The following ST14 variants were observed in gnomAD, a reference collection of about 807,000 sequenced individuals.
The protein encoded by ST14 is ST14 transmembrane serine protease matriptase.
ST14 carries 40 observed loss-of-function variants against 96.5 expected under a neutral mutation model. The ratio of observed to expected loss-of-function variants is 0.41; its 90% CI spans 0.32 to 0.54. ST14 has a LOEUF of 0.54. Among genes scored for constraint, ST14 ranks in the 20% least tolerant of loss-of-function variants. ST14 has a pLI of 0.17. For synonymous variants in ST14, 506 were observed against 492.1 expected, an observed-to-expected ratio of 1.03 and a Z score of -0.37; for missense variants, 1,066 against 1,188.9, an observed-to-expected ratio of 0.90 and a Z score of 1.52.
intron 16 of ST14, among the ~76,000 whole-genome samples, chr11:130,203,861 C>T (rs1953458609): frequency 6.6e-6 from 1 of 152,170 alleles, no homozygotes; most frequent in South Asian, 2.1e-4. Flanking sequence ...ACCATGTTAG[C>T]CAGGCTGGTC....
Position 130,197,871 on chromosome 11 carries a change from G to A in ST14, c.1385G>A (p.Gly462Glu), listed in dbSNP as rs753425257. 1.9e-6 allele frequency: 3 copies of A among 1,592,474 alleles called. No individual in the cohort carries two copies. In the South Asian group the frequency reaches 3.4e-5, roughly 18 times the overall value. ...CCGGGGCAGTTCACGTGCCGCACGG[G>A]GCGGTGTATCCGGAAGGAGCTGCGC... Reference protein sequence around the residue: ...PCPGQFTCRTGRCIRKELRCD... With the variant: ...PCPGQFTCRTERCIRKELRCD... The change falls in exon 12 of 19, where the codon GGG (glycine) becomes GAG (glutamate). Residue 462 changes from glycine (G) to glutamate (E), a missense_variant. By Grantham distance (98) the Gly-to-Glu change is moderately conservative. Transcript: ENST00000278742.
intron 16 of ST14, among the ~76,000 whole-genome samples, chr11:130,202,151 A>C (rs1327239906): frequency 6.6e-6 from 1 of 152,216 alleles, no homozygotes; most frequent in Non-Finnish European, 1.5e-5. Flanking sequence ...GGCTGGGTGC[A>C]TACTAAGAAC....
At chr11:130,172,417 T>A (rs1953100803) in intron 1 of ST14, among the ~76,000 whole-genome samples, 1 of 139,906 alleles carries the variant, frequency 7.1e-6, no homozygotes. Context: ...TCTTCTTTTT[T>A]TTTTTTTTTT....
rs934838818 is a variant in ST14, at chr11:130,189,860, C to T, written c.562C>T (p.Leu188=). 2 of 1,613,750 alleles carry T rather than the reference C, an allele frequency of 1.2e-6. No homozygotes were observed. Among genetic ancestry groups the T allele is most frequent in the African/African-American group, 2.7e-5 (2 of 74,936 alleles). Residue 188 remains leucine, a synonymous_variant, in exon 5 of 19, where the codon CTG becomes TTG. Transcript: ENST00000278742. Reference sequence around the variant, plus strand: ...CATGCTGCCCCCGCGGGCGCGCTCCCTGAAGTCCTTTGTGGTCACCTCAGT... The same window carrying T: ...CATGCTGCCCCCGCGGGCGCGCTCCTTGAAGTCCTTTGTGGTCACCTCAGT... ...VVMLPPRARS[L]KSFVVTSVVA... is the part of the protein sequence containing the mutation.
intron 1 of ST14, among the ~76,000 whole-genome samples, chr11:130,172,831 C>T (rs1370712892): frequency 6.6e-6 from 1 of 152,138 alleles, no homozygotes; most frequent in Non-Finnish European, 1.5e-5. Flanking sequence ...AACATCTTGT[C>T]CCTGTTGACA....
rs749874221 is a variant in ST14, at chr11:130,188,192, C to T, written c.160C>T (p.Arg54Cys). The change falls in exon 2 of 19, where the codon CGC becomes TGC. Residue 54 changes from arginine (R) to cysteine (C), a missense_variant. Physicochemically the swap from Arg to Cys is radical, Grantham distance 180. Coordinates refer to ENST00000278742, the MANE Select transcript of ST14 (RefSeq NM_021978.4). This position sits in a 1 kb window ranked among gnomAD's most constrained non-coding sequence, Gnocchi z 5.4. ...VKKVEKHGPG[R>C]WVVLAAVLIG... is the part of the protein sequence containing the mutation. The stretch of plus-strand genomic sequence containing the variant: ...GAAGGTGGAAAAGCATGGCCCGGGG[C>T]GCTGGGTGGTGCTGGCAGCCGTGCT... 54 of 1,614,034 alleles carry T rather than the reference C, an allele frequency of 3.3e-5. 1 individual carries two copies. Among genetic ancestry groups the T allele is most frequent in the South Asian group, 1.8e-4 (16 of 91,078 alleles).
In ST14 at chr11:130,164,525, C is replaced by T. The variant is rs538317716; in HGVS notation, c.81+4465C>T. 5.9e-5 allele frequency among the ~76,000 whole-genome samples: 9 copies of T among 151,480 alleles called. No homozygotes were observed. In the South Asian group the frequency reaches 1.9e-3, roughly 32 times the overall value. ...ACTTTGACCTCCCGGCTCAAGCAAT[C>T]CTCCTGCCTCAGCTTTCTCAGTAGC... On this transcript the variant is annotated intron_variant, in intron 1 of 18. Transcript: ENST00000278742.
chr11:130,198,304 C>T lies in ST14; in HGVS notation c.1460-4C>T. 1 of 1,613,986 alleles carries T rather than the reference C, an allele frequency of 6.2e-7. No individual in the cohort carries two copies. The highest frequency in any genetic ancestry group is 8.5e-7 in the Non-Finnish European group (1 of 1,179,884). On this transcript the variant is annotated splice_polypyrimidine_tract_variant and splice_region_variant and intron_variant, in intron 12 of 18. Transcript: ENST00000278742. ...ACGGCCGACCTCCCCTTACCCCACT[C>T]CAGGTTGCGACGCCGGCCACCAGTT...
chr11:130,198,414 G>T lies in ST14; in HGVS notation c.1566G>T (p.Gly522=). ...GCGGAGACAACAGCGACGAGCAGGG[G>T]TGCAGTGAGTGCTGGGGAGGGGCTG... ...NDCGDNSDEQ[G]CSCPAQTFRC... The change falls in exon 13 of 19, where the codon GGG becomes GGT. Residue 522 remains glycine, a synonymous_variant. Coordinates refer to ENST00000278742, the MANE Select transcript of ST14 (RefSeq NM_021978.4). The T allele has an allele frequency of 1.2e-6, 2 of 1,614,052 alleles. No homozygotes were observed. Among genetic ancestry groups the T allele is most frequent in the Admixed American group, 1.7e-5 (1 of 60,026 alleles).
chr11:130,171,139 GTT>G, intron 1 of ST14, among the ~76,000 whole-genome samples: 1 of 152,106 alleles, frequency 6.6e-6, no homozygotes, highest in South Asian at 2.1e-4. Context: ...CTTTTCTCTT[GTT>G]TTTTGTTTCT....
intron 1 of ST14, among the ~76,000 whole-genome samples, chr11:130,179,695 G>A (rs1343912613): frequency 6.6e-6 from 1 of 152,204 alleles, no homozygotes; most frequent in Non-Finnish European, 1.5e-5. Flanking sequence ...GCAGCCTGAT[G>A]AAGAGGCCTT....
At chr11:130,207,378 C>T (rs1024013481) in intron 16 of ST14, among the ~76,000 whole-genome samples, 1 of 152,118 alleles carries the variant, frequency 6.6e-6, no homozygotes, top group African/African-American at 2.4e-5. Flanking sequence ...TGGCGAAACC[C>T]CGTTTCCACT....
intron 1 of ST14, 27 bp downstream of exon 1, chr11:130,160,087 G>C: frequency 7.2e-7 from 1 of 1,395,732 alleles, no homozygotes; most frequent in South Asian, 1.6e-5. Flanking sequence ...GACCCGGGGC[G>C]CTGGGAAGCT....
At chr11:130,200,704 G>A (rs568640792) in intron 16 of ST14, among the ~76,000 whole-genome samples, 8 of 152,150 alleles carry the variant, frequency 5.3e-5, no homozygotes, top group Non-Finnish European at 1.0e-4. Context: ...CACTGTATTC[G>A]GTGCCCACTT....
At chr11:130,208,725 G>A (rs1953515293) in intron 17 of ST14, 41 bp downstream of exon 17, 1 of 1,589,604 alleles carries the variant, frequency 6.3e-7, no homozygotes, top group Non-Finnish European at 8.6e-7. Flanking sequence ...GAGGGCCTGG[G>A]GCCTTTCTCC....
chr11:130,189,334 A>G, intron 4 of ST14: 1 of 439,736 alleles, frequency 2.3e-6, no homozygotes, highest in South Asian at 2.4e-5. Flanking sequence ...CTTTATTCTC[A>G]AAGTGCTTTT....
At chr11:130,195,402 T>A (rs1194714862) in intron 9 of ST14, among the ~76,000 whole-genome samples, 1 of 152,108 alleles carries the variant, frequency 6.6e-6, no homozygotes, top group Non-Finnish European at 1.5e-5. Flanking sequence ...TGAAGCTCCC[T>A]GGGCCTCAGC....
chr11:130,194,529 G>A, intron 8 of ST14, 111 bp from the exon 9 acceptor site: 2 of 1,218,644 alleles, frequency 1.6e-6, no homozygotes, highest in Non-Finnish European at 1.2e-6. Flanking sequence ...CTGCTGTGCA[G>A]CATCCACGCG....
At chr11:130,175,827 C>G (rs1174317407) in intron 1 of ST14, among the ~76,000 whole-genome samples, 1 of 151,838 alleles carries the variant, frequency 6.6e-6, no homozygotes. Context: ...CCACATCCAG[C>G]TAATTTTGTA....
Sources: allele counts gnomAD v4.1 joint callset (sites outside exome capture counted in the v4.1 genomes callset), GRCh38; gene constraint gnomAD v4.1.1; non-coding constraint Gnocchi (gnomAD v3.1); transcripts MANE v1.5; gene names NCBI Gene and HGNC (gene_info 2026-07-23, HGNC 2026-07-21).